Variants in RAB11FIP4 observed in about 807,000 individuals in gnomAD.
RAB11FIP4 encodes rab11 family-interacting protein 4.
Under a neutral mutation model 74.3 loss-of-function variants are expected in RAB11FIP4, and 23 were observed. The observed-to-expected ratio is 0.31, with a 90% CI of 0.22 to 0.44. The LOEUF (loss-of-function observed/expected upper bound fraction) is 0.44. Among genes scored for constraint, RAB11FIP4 ranks in the 20% least tolerant of loss-of-function variants. RAB11FIP4 has a pLI of 1.00. For missense variants in RAB11FIP4, 630 were observed against 863.9 expected (o/e 0.73, Z 3.39); for synonymous variants, 360 against 359.9 (o/e 1.00, Z 0.00).
intron 3 of RAB11FIP4, among the ~76,000 whole-genome samples, chr17:31,459,226 G>A (rs556443230): frequency 3.9e-5 from 6 of 152,128 alleles, no homozygotes; most frequent in Non-Finnish European, 7.4e-5. Flanking sequence ...AGAGATCTAC[G>A]AGTACTCTCA....
chr17:31,501,781 G>A, intron 3 of RAB11FIP4: 1 of 197,948 alleles, frequency 5.1e-6, no homozygotes, highest in Non-Finnish European at 1.1e-5. Flanking sequence ...CTCCCAAAGT[G>A]CTGGGTGTAA....
At chr17:31,509,919 G>GGT (rs1446167341) in intron 3 of RAB11FIP4, among the ~76,000 whole-genome samples, 1 of 152,174 alleles carries the variant, frequency 6.6e-6, no homozygotes, top group East Asian at 1.9e-4. Flanking sequence ...TGCCTTGGCT[G>GGT]GTGCCTGGGC....
chr17:31,427,538 C>G (rs77608621), intron 1 of RAB11FIP4, among the ~76,000 whole-genome samples: 2,254 of 152,328 alleles, frequency 0.015, 58 homozygotes, highest in African/African-American at 0.052. Context: ...GCTGTGGACA[C>G]AGGGATTACA....
chr17:31,477,596 T>C (rs1244920873), intron 3 of RAB11FIP4, among the ~76,000 whole-genome samples: 1 of 152,208 alleles, frequency 6.6e-6, no homozygotes, highest in Non-Finnish European at 1.5e-5. Flanking sequence ...TCTTCCTTGG[T>C]CTCTGGGTGG....
At chr17:31,487,304 G>C (rs895558673) in intron 3 of RAB11FIP4, among the ~76,000 whole-genome samples, 3 of 152,144 alleles carry the variant, frequency 2.0e-5, no homozygotes, top group Non-Finnish European at 4.4e-5. Context: ...ATTTTTTGTA[G>C]AGACGAGATG....
At chr17:31,518,000 C>A in intron 4 of RAB11FIP4, 123 bp downstream of exon 4, 1 of 721,938 alleles carries the variant, frequency 1.4e-6, no homozygotes, top group Non-Finnish European at 2.3e-6. Flanking sequence ...GCATTAGTGT[C>A]ATGGGTATTC....
In RAB11FIP4 at chr17:31,419,797, A is replaced by G. The variant is rs538374848; in HGVS notation, c.160-12016A>G. Among the ~76,000 whole-genome samples, 419 of 151,842 alleles carry G rather than the reference A, an allele frequency of 2.8e-3. 5 individuals carry two copies. The highest frequency in any genetic ancestry group is 9.2e-3 in the African/African-American group (379 of 41,416). On this transcript the variant is annotated intron_variant, in intron 1 of 14. Coordinates refer to ENST00000621161, the MANE Select transcript of RAB11FIP4 (RefSeq NM_032932.6). ...GATCTCCTGATCTCATGATCCGCCCACCTCAGCCTCCCAAAGTGCTGGGAT... is the reference window on the plus strand; with the variant it reads ...GATCTCCTGATCTCATGATCCGCCCGCCTCAGCCTCCCAAAGTGCTGGGAT...
intron 1 of RAB11FIP4, among the ~76,000 whole-genome samples, chr17:31,408,661 A>G (rs1431987669): frequency 2.0e-5 from 3 of 152,050 alleles, no homozygotes; most frequent in African/African-American, 7.2e-5. Context: ...TCTTCTTTTG[A>G]GTTCAATTAC....
In RAB11FIP4 at chr17:31,482,320, C is replaced by T. The variant is rs947811406; in HGVS notation, c.337-35331C>T. On this transcript the variant is annotated intron_variant, in intron 3 of 14. Coordinates refer to ENST00000621161, the MANE Select transcript of RAB11FIP4 (RefSeq NM_032932.6). ...TAAATAAAAAATTGGGGGCCAGGTG[C>T]GGTGGCTCACGCCTGTAATCCCAGC... Among the ~76,000 whole-genome samples, 4 of 152,000 alleles carry T rather than the reference C, an allele frequency of 2.6e-5. No homozygotes were observed. The South Asian group carries it at 8.3e-4, about 32-fold the overall frequency.
chr17:31,430,025 A>G (rs1019905634), intron 1 of RAB11FIP4, among the ~76,000 whole-genome samples: 9 of 152,154 alleles, frequency 5.9e-5, no homozygotes, highest in African/African-American at 1.9e-4. Flanking sequence ...AAAGTATAGG[A>G]TGCTACAAGA....
In RAB11FIP4 at chr17:31,452,775, T is replaced by C. The variant is rs1344735338; in HGVS notation, c.336+18653T>C. Among the ~76,000 whole-genome samples, 31 of 152,198 alleles carry C rather than the reference T, an allele frequency of 2.0e-4. 1 individual carries two copies. Among genetic ancestry groups the C allele is most frequent in the Admixed American group, 2.0e-3 (31 of 15,284 alleles). ...GGCCTGCTAGGTTTCTGTCTCCACA[T>C]TTCTGTTACTGTGACAGACAAGACG... On this transcript the variant is annotated intron_variant, in intron 3 of 14. Transcript: ENST00000621161.
chr17:31,523,141 C>T (rs2072699035), intron 7 of RAB11FIP4: 1 of 302,174 alleles, frequency 3.3e-6, no homozygotes, highest in Admixed American at 3.9e-5. Flanking sequence ...TCTTCCAGGG[C>T]CATGGAGCTG....
intron 10 of RAB11FIP4, 42 bp downstream of exon 10, chr17:31,525,272 T>C (rs1440379486): frequency 6.6e-7 from 1 of 1,515,808 alleles, no homozygotes; most frequent in South Asian, 1.3e-5. Context: ...AGGGACCCCC[T>C]GTCCTGGGGC....
chr17:31,464,452 T>G (rs1472672074), intron 3 of RAB11FIP4, among the ~76,000 whole-genome samples: 1 of 152,168 alleles, frequency 6.6e-6, no homozygotes, highest in Non-Finnish European at 1.5e-5. Context: ...ATCTCTTTTT[T>G]TCTTTTTTCT....
At chr17:31,528,327 C>T in intron 11 of RAB11FIP4, 79 bp from the exon 12 acceptor site, 1 of 1,507,346 alleles carries the variant, frequency 6.6e-7, no homozygotes, top group Non-Finnish European at 8.9e-7. Context: ...GATGGCTGAC[C>T]AGACCCCAGG....
At chr17:31,504,511 G>C (rs1172959434) in intron 3 of RAB11FIP4, among the ~76,000 whole-genome samples, 1 of 152,188 alleles carries the variant, frequency 6.6e-6, no homozygotes, top group South Asian at 2.1e-4. Context: ...CATGATAAGC[G>C]CTCGCCTCGG....
intron 1 of RAB11FIP4, among the ~76,000 whole-genome samples, chr17:31,393,635 G>A (rs1012591622): frequency 6.6e-6 from 1 of 152,118 alleles, no homozygotes; most frequent in Non-Finnish European, 1.5e-5. Flanking sequence ...CGTTCTGCAC[G>A]GGGACTCACA....
rs1461250338 is a variant in RAB11FIP4, at chr17:31,510,569, C to T, written c.337-7082C>T. ...AGCTGGAACCTCGGAGCTTCTTGGA[C>T]TCCCTTCCCCAGGCAGCATCTCATC... is the stretch of plus-strand genomic sequence containing the variant. On this transcript the variant is annotated intron_variant, in intron 3 of 14. Transcript: ENST00000621161. 2.6e-5 allele frequency among the ~76,000 whole-genome samples: 4 copies of T among 152,300 alleles called. No individual in the cohort carries two copies. In the South Asian group the frequency reaches 8.3e-4, roughly 32 times the overall value.
chr17:31,477,963 T>C (rs2071810797), intron 3 of RAB11FIP4, among the ~76,000 whole-genome samples: 1 of 151,872 alleles, frequency 6.6e-6, no homozygotes, highest in Admixed American at 6.6e-5. Context: ...AGCTTGTATA[T>C]ATTAAGTGCT....
Sources: gnomAD v4.1 joint callset for allele counts (sites outside exome capture counted in the v4.1 genomes callset) on GRCh38, gnomAD v4.1.1 for gene constraint, MANE v1.5 for transcripts, NCBI Gene and HGNC (gene_info 2026-07-23, HGNC 2026-07-21) for gene names.